Variants in SYDE2 observed in about 807,000 individuals in gnomAD.
The protein encoded by SYDE2 is synapse defective Rho GTPase homolog 2, also known as rho GTPase-activating protein SYDE2.
A neutral mutation model predicts 91.5 loss-of-function variants in SYDE2; 76 were observed. The observed-to-expected ratio is 0.83, with a 90% CI of 0.69 to 1.01. The LOEUF is 1.01. Ranked by LOEUF, SYDE2 falls within the 50% of genes least tolerant of loss-of-function variation. The pLI is 0.00. For synonymous variants in SYDE2, 513 were observed against 506.4 expected (o/e 1.01, Z -0.18); for missense variants, 1,364 against 1,367.7 (o/e 1.00, Z 0.04).
chr1:85,173,503 C>T (rs999065759), intron 4 of SYDE2, among the ~76,000 whole-genome samples: 1 of 152,074 alleles, frequency 6.6e-6, no homozygotes, highest in African/African-American at 2.4e-5. Flanking sequence ...TATAAGTACA[C>T]AGTATATAGC....
In SYDE2 at chr1:85,200,851, C is replaced by G. The variant is rs1052523704; in HGVS notation, c.146G>C (p.Arg49Pro). Reference sequence around the variant, plus strand: ...CTGCCGAGGGCGTCCGCCGCCTCCCCGCTCCCCGTCCCGGGGGCAGGCTCG... The same window carrying G: ...CTGCCGAGGGCGTCCGCCGCCTCCCGGCTCCCCGTCCCGGGGGCAGGCTCG... The part of the protein sequence containing the change: ...YRRACPRDGE[R>P]GGGGRPRQQV... Residue 49 changes from arginine to proline, a missense_variant, in exon 1 of 7, where the codon CGG (arginine) becomes CCG (proline). Physicochemically the swap from Arg to Pro is moderately radical, Grantham distance 103. Transcript: ENST00000341460. 7.2e-7 allele frequency: 1 copy of G among 1,379,430 alleles called. No homozygotes were observed. Among genetic ancestry groups the G allele is most frequent in the Non-Finnish European group, 9.3e-7 (1 of 1,075,896 alleles). 85.4% of individuals were successfully genotyped at this position (1,379,430 alleles called of 1,614,324 possible).
chr1:85,192,017 T>C (rs558430661), intron 1 of SYDE2, among the ~76,000 whole-genome samples: 34 of 144,174 alleles, frequency 2.4e-4, no homozygotes, highest in Non-Finnish European at 4.5e-4. Flanking sequence ...CTCAGGTTTC[T>C]AAATTATGGA....
chr1:85,173,632 CG>C (rs1379176024), intron 4 of SYDE2, among the ~76,000 whole-genome samples: 1 of 152,066 alleles, frequency 6.6e-6, no homozygotes, highest in East Asian at 1.9e-4. Flanking sequence ...TTGCAAGTAA[CG>C]TACTTGCATA....
At chr1:85,165,458 T>C (rs1293708692) in intron 5 of SYDE2, among the ~76,000 whole-genome samples, 1 of 152,138 alleles carries the variant, frequency 6.6e-6, no homozygotes, top group African/African-American at 2.4e-5. Context: ...TAGTTGTAAG[T>C]TGTAATCACT....
intron 3 of SYDE2, among the ~76,000 whole-genome samples, chr1:85,180,187 G>A (rs976729410): frequency 6.6e-6 from 1 of 152,082 alleles, no homozygotes; most frequent in Non-Finnish European, 1.5e-5. Context: ...CAAACTCTTT[G>A]TATATGACTA....
Position 85,181,922 on chromosome 1 carries a change from G to C in SYDE2, c.2544+176C>G, listed in dbSNP as rs1025229911. On this transcript the variant is annotated intron_variant, in intron 3 of 6. Coordinates refer to ENST00000341460, the MANE Select transcript of SYDE2 (RefSeq NM_032184.2). Reference sequence around the variant, plus strand: ...ATCATCTAGCATGCTCTCAATAATGGACAACATGAGTCAAGTTAAAAATTA... The same window carrying C: ...ATCATCTAGCATGCTCTCAATAATGCACAACATGAGTCAAGTTAAAAATTA... 4 of 619,258 alleles carry C rather than the reference G, an allele frequency of 6.5e-6. No homozygotes were observed. In the African/African-American group the frequency reaches 7.5e-5, roughly 12 times the overall value. The allele number at this position is 619,258 out of a possible 1,614,324, so 38.4% of individuals were successfully genotyped here. A position where few individuals can be genotyped will look rare whatever the true frequency, so the allele number is the denominator to read the frequency against.
At chr1:85,165,777 G>A (rs1027827345) in intron 5 of SYDE2, among the ~76,000 whole-genome samples, 4 of 151,138 alleles carry the variant, frequency 2.6e-5, no homozygotes, top group Non-Finnish European at 5.9e-5. Flanking sequence ...GTTTTTTGAT[G>A]TAGTGGCATA....
At chr1:85,153,660 T>TGG (rs1047261185), downstream of SYDE2, 16 of 152,126 alleles carry the variant, frequency 1.1e-4, no homozygotes, top group African/African-American at 3.9e-4. Flanking sequence ...CTAACTCCAG[T>TGG]GGGGAGTACA....
Position 85,200,813 on chromosome 1 carries a change from G to T in SYDE2, c.184C>A (p.Pro62Thr). Residue 62 changes from proline (P) to threonine (T), a missense_variant, in exon 1 of 7, where the codon CCC becomes ACC. Physicochemically the swap from Pro to Thr is conservative, Grantham distance 38. Transcript: ENST00000341460. The part of the protein sequence containing the change: ...GGRPRQQVSP[P>T]RSPQREPRGG... ...CGCGGCTCCCTCTGAGGCGACCGGGGCGGGGACACCTGCTGCCGAGGGCGT... is the reference window on the plus strand; with the variant it reads ...CGCGGCTCCCTCTGAGGCGACCGGGTCGGGGACACCTGCTGCCGAGGGCGT... 6.9e-7 allele frequency: 1 copy of T among 1,441,328 alleles called. No individual in the cohort carries two copies. Among genetic ancestry groups the T allele is most frequent in the Non-Finnish European group, 9.0e-7 (1 of 1,105,216 alleles). 89.3% of individuals were successfully genotyped at this position (1,441,328 alleles called of 1,614,324 possible).
At chr1:85,188,016 A>G (rs1316075897) in intron 2 of SYDE2, among the ~76,000 whole-genome samples, 1 of 151,802 alleles carries the variant, frequency 6.6e-6, no homozygotes, top group Non-Finnish European at 1.5e-5. Context: ...TATAATAATA[A>G]TTAAATTAAA....
chr1:85,175,364 G>A (rs1417420551), intron 4 of SYDE2, among the ~76,000 whole-genome samples: 1 of 152,208 alleles, frequency 6.6e-6, no homozygotes, highest in East Asian at 1.9e-4. Flanking sequence ...GCTGGGCGTA[G>A]TGGCGTGTGC....
chr1:85,200,582 G>T lies in SYDE2; in HGVS notation c.415C>A (p.Pro139Thr). Residue 139 changes from proline to threonine, a missense_variant, in exon 1 of 7, where the codon CCC (proline) becomes ACC (threonine). Coordinates refer to ENST00000341460, the MANE Select transcript of SYDE2 (RefSeq NM_032184.2). ...CAGCCTGGAGGCTGGAGGCCGGTGG[G>T]TGCAGCCGCCCGGGCGCGGTCCCCA... ...WSGDRARAAA[P>T]TGLQPPGCKD... 6.3e-7 allele frequency: 1 copy of T among 1,587,846 alleles called. No homozygotes were observed.
At chr1:85,186,007 G>A (rs550787359) in intron 2 of SYDE2, among the ~76,000 whole-genome samples, 1 of 151,872 alleles carries the variant, frequency 6.6e-6, no homozygotes, top group East Asian at 1.9e-4. Context: ...TAGCATGAAG[G>A]GTTGTTGAAT....
intron 1 of SYDE2, among the ~76,000 whole-genome samples, chr1:85,194,178 CACTT>C (rs1261132515): frequency 6.6e-6 from 1 of 151,434 alleles, no homozygotes; most frequent in African/African-American, 2.4e-5. Flanking sequence ...ATTTTTATCT[CACTT>C]AAATTAAATG....
At position 85,200,455 on chromosome 1, in the gene SYDE2, A is replaced by C. The variant is rs575165652; in HGVS notation, c.542T>G (p.Leu181Arg). 6.2e-7 allele frequency: 1 copy of C among 1,613,924 alleles called. No homozygotes were observed. The highest frequency in any genetic ancestry group is 2.2e-5 in the East Asian group (1 of 44,858). Residue 181 changes from leucine (L) to arginine (R), a missense_variant, in exon 1 of 7, where the codon CTC becomes CGC. Coordinates refer to ENST00000341460, the MANE Select transcript of SYDE2 (RefSeq NM_032184.2). ...CTTGACTGTCACTGCCGGCGGCCTG[A>C]GGAAGGAGGGGCCTTCCTGGCGGTC... ...KGDRQEGPSFLRPPAVTVKKL... is the reference protein window; with the variant it reads ...KGDRQEGPSFRRPPAVTVKKL...
rs539501238 is a variant in SYDE2 at position 85,200,174 on chromosome 1, C to G, written c.745+78G>C. ...ACCTGTCGCAAAAACATAACTTTTTCTTGGCTCTTAAGACAGAAGCCCAGT... is the reference window on the plus strand; with the variant it reads ...ACCTGTCGCAAAAACATAACTTTTTGTTGGCTCTTAAGACAGAAGCCCAGT... On this transcript the variant is annotated intron_variant, in intron 1 of 6. Coordinates refer to ENST00000341460, the MANE Select transcript of SYDE2 (RefSeq NM_032184.2). 35 of 1,587,674 alleles carry G rather than the reference C, an allele frequency of 2.2e-5. No individual in the cohort carries two copies. In the African/African-American group the frequency reaches 4.1e-4, roughly 19 times the overall value.
At chr1:85,162,491 CT>C (rs1230730381) in intron 6 of SYDE2, among the ~76,000 whole-genome samples, 2 of 152,166 alleles carry the variant, frequency 1.3e-5, no homozygotes, top group Non-Finnish European at 2.9e-5. Context: ...ACTTTCTGCC[CT>C]GTTTTTTGTC....
In SYDE2 at chr1:85,200,841, G is replaced by A. The variant is rs1487919999; in HGVS notation, c.156C>T (p.Gly52=). Residue 52 remains glycine, a synonymous_variant, in exon 1 of 7, where the codon GGC becomes GGT. Transcript: ENST00000341460. ...ACPRDGERGG[G]GRPRQQVSPP... ...GGGACACCTGCTGCCGAGGGCGTCC[G>A]CCGCCTCCCCGCTCCCCGTCCCGGG... The A allele has an allele frequency of 7.2e-6, 10 of 1,389,372 alleles. No individual in the cohort carries two copies. The highest frequency in any genetic ancestry group is 2.5e-4 in the Middle Eastern group (1 of 3,932). The allele number at this position is 1,389,372 out of a possible 1,614,324, so 86.1% of individuals were successfully genotyped here.
intron 6 of SYDE2, chr1:85,160,495 A>G: frequency 1.0e-6 from 1 of 971,242 alleles, no homozygotes; most frequent in Non-Finnish European, 1.2e-6. Context: ...TAGAAAATAA[A>G]AGCTATTTAC....
Sources: gnomAD v4.1 joint callset for allele counts (sites outside exome capture counted in the v4.1 genomes callset) on GRCh38, gnomAD v4.1.1 for gene constraint, MANE v1.5 for transcripts, NCBI Gene and HGNC (gene_info 2026-07-23, HGNC 2026-07-21) for gene names.